Variants in PTPRD observed in about 807,000 individuals in gnomAD.
PTPRD encodes receptor-type tyrosine-protein phosphatase delta.
PTPRD carries 34 observed loss-of-function variants against 214.5 expected under a neutral mutation model. The ratio of observed to expected loss-of-function variants is 0.16; its 90% CI spans 0.12 to 0.21. The LOEUF is 0.21. Ranked by LOEUF, PTPRD falls within the 10% of genes least tolerant of loss-of-function variation. The pLI is 1.00. For synonymous variants in PTPRD, 1,128 were observed against 845.7 expected, an observed-to-expected ratio of 1.33 and a Z score of -5.79; for missense variants, 2,545 against 2,398.7, an observed-to-expected ratio of 1.06 and a Z score of -1.27.
chr9:10,548,535 A>T lies in PTPRD; in HGVS notation c.-600+63863T>A, dbSNP rs543805458. ...CTGTGAAAGCCTGGAAAAGTGAAAC[A>T]TCTGAAAGACCTAAAAATACAGCTT... is the stretch of plus-strand genomic sequence containing the variant. On this transcript the variant is annotated intron_variant, in intron 2 of 45. Coordinates refer to ENST00000381196, the MANE Select transcript of PTPRD (RefSeq NM_002839.4). Among the ~76,000 whole-genome samples the T allele has an allele frequency of 2.0e-5, 3 of 152,324 alleles. No individual in the cohort carries two copies. In the East Asian group the frequency reaches 5.8e-4, roughly 29 times the overall value.
intron 11 of PTPRD, among the ~76,000 whole-genome samples, chr9:9,011,216 CT>C (rs1237328234): frequency 1.3e-5 from 2 of 152,030 alleles, no homozygotes; most frequent in African/African-American, 4.8e-5. Context: ...GTCATAGCTT[CT>C]CCTCATTTAC....
chr9:8,977,667 T>A (rs1272755757), intron 11 of PTPRD, among the ~76,000 whole-genome samples: 2 of 72,626 alleles, frequency 2.8e-5, no homozygotes, highest in African/African-American at 1.2e-4. Context: ...CAAGGAGAAT[T>A]TTTTTTTTTT....
chr9:10,200,713 G>A (rs1410682829), intron 3 of PTPRD, among the ~76,000 whole-genome samples: 1 of 152,048 alleles, frequency 6.6e-6, no homozygotes, highest in Non-Finnish European at 1.5e-5. Context: ...TCATGCAGAG[G>A]AAGGGGATGA....
chr9:8,317,671 AT>A lies in PTPRD; in HGVS notation c.*202del. 2.3e-6 allele frequency: 1 copy of A among 433,258 alleles called. No homozygotes were observed. The allele number at this position is 433,258 out of a possible 1,614,324, so 26.8% of individuals were successfully genotyped here. A position where few individuals can be genotyped will look rare whatever the true frequency, so the allele number is the denominator to read the frequency against. On this transcript the variant is annotated 3_prime_UTR_variant, in exon 46 of 46. Coordinates refer to ENST00000381196, the MANE Select transcript of PTPRD (RefSeq NM_002839.4). ...CTCATCAGTCAGGATTCTCTTCATTATTTTTCAGGTTAGATTATTAAACTGT... is the reference window on the plus strand; with the variant it reads ...CTCATCAGTCAGGATTCTCTTCATTATTTTCAGGTTAGATTATTAAACTGT...
chr9:9,157,932 C>T (rs2099882698), intron 10 of PTPRD, among the ~76,000 whole-genome samples: 1 of 152,100 alleles, frequency 6.6e-6, no homozygotes, highest in African/African-American at 2.4e-5. Context: ...CATGTGTTCT[C>T]ATCAGTCAGC....
At chr9:8,488,099 T>TA (rs955801915) in intron 27 of PTPRD, among the ~76,000 whole-genome samples, 10 of 151,936 alleles carry the variant, frequency 6.6e-5, no homozygotes, top group African/African-American at 1.5e-4. Context: ...AAACAGGTGA[T>TA]AAAAAATCAT....
At chr9:8,622,128 G>C (rs2095844730) in intron 14 of PTPRD, among the ~76,000 whole-genome samples, 1 of 151,758 alleles carries the variant, frequency 6.6e-6, no homozygotes, top group Non-Finnish European at 1.5e-5. Flanking sequence ...AATGATAAGT[G>C]CAGCAATAAA....
chr9:8,441,860 C>T (rs1257992964), intron 34 of PTPRD, among the ~76,000 whole-genome samples: 6 of 152,242 alleles, frequency 3.9e-5, no homozygotes, highest in South Asian at 2.1e-4. Context: ...TCCCATACCC[C>T]GTACACTCTC....
chr9:9,428,779 T>C lies in PTPRD; in HGVS notation c.-236-31297A>G, dbSNP rs556764142. On this transcript the variant is annotated intron_variant, in intron 8 of 45. Coordinates refer to ENST00000381196, the MANE Select transcript of PTPRD (RefSeq NM_002839.4). ...CAAAACCGCTCAACTACATGGAAAC[T>C]GAACAACCTGCTCCTGAATGACTAC... 5.9e-5 allele frequency among the ~76,000 whole-genome samples: 9 copies of C among 152,266 alleles called. No homozygotes were observed. The East Asian group carries it at 1.7e-3, about 29-fold the overall frequency.
chr9:9,184,783 A>G (rs541650331), intron 9 of PTPRD, among the ~76,000 whole-genome samples: 42 of 152,104 alleles, frequency 2.8e-4, no homozygotes, highest in African/African-American at 1.0e-3. Context: ...TATACTTACC[A>G]TCCCTCTCTC....
chr9:8,870,111 T>A (rs1255921259), intron 11 of PTPRD, among the ~76,000 whole-genome samples: 9 of 146,896 alleles, frequency 6.1e-5, no homozygotes, highest in Non-Finnish European at 1.3e-4. Context: ...TTGGTATATA[T>A]CTCTTTCCAT....
chr9:10,093,603 A>T (rs1182240901), intron 3 of PTPRD, among the ~76,000 whole-genome samples: 4 of 151,554 alleles, frequency 2.6e-5, no homozygotes, highest in Non-Finnish European at 5.9e-5. Flanking sequence ...TATATATCCA[A>T]AGGAAAATAC....
At chr9:8,451,255 C>G (rs921602513) in intron 33 of PTPRD, among the ~76,000 whole-genome samples, 1 of 152,146 alleles carries the variant, frequency 6.6e-6, no homozygotes, top group South Asian at 2.1e-4. Flanking sequence ...AGACATGTTG[C>G]TTTCTCGGTA....
intron 19 of PTPRD, 33 bp downstream of exon 19, chr9:8,523,480 G>A: frequency 6.2e-7 from 1 of 1,609,824 alleles, no homozygotes; most frequent in Non-Finnish European, 8.5e-7. Context: ...TAATAGTTTT[G>A]TAAGGTGGGT....
rs539525410 is a variant in PTPRD, at chr9:9,639,275, G to A, written c.-286-64494C>T. Among the ~76,000 whole-genome samples, 48 of 152,244 alleles carry A rather than the reference G, an allele frequency of 3.2e-4. 1 individual carries two copies. The South Asian group carries it at 9.9e-3, about 32-fold the overall frequency. On this transcript the variant is annotated intron_variant, in intron 7 of 45. Transcript: ENST00000381196. ...GATTGTTTCTACTCATCATTTTAGT[G>A]CTAGCATCTAGTTTAGTGCCTACAT...
At chr9:9,601,799 A>C (rs2093789866) in intron 7 of PTPRD, among the ~76,000 whole-genome samples, 1 of 152,064 alleles carries the variant, frequency 6.6e-6, no homozygotes, top group African/African-American at 2.4e-5. Flanking sequence ...ATAAACACTA[A>C]ATATAATACA....
intron 3 of PTPRD, among the ~76,000 whole-genome samples, chr9:10,226,125 G>C (rs907121030): frequency 6.6e-6 from 1 of 151,998 alleles, no homozygotes; most frequent in Non-Finnish European, 1.5e-5. Flanking sequence ...CCAGTGGTCA[G>C]CCGCCCCAAT....
intron 3 of PTPRD, among the ~76,000 whole-genome samples, chr9:10,137,701 T>TAAAAAA (rs76032048): frequency 2.8e-5 from 2 of 72,002 alleles, no homozygotes; most frequent in African/African-American, 6.3e-5. Flanking sequence ...TAGAGTATAA[T>TAAAAAA]AAAAAAAAAA....
chr9:9,365,097 A>G (rs1389739891), intron 9 of PTPRD, among the ~76,000 whole-genome samples: 1 of 151,478 alleles, frequency 6.6e-6, no homozygotes, highest in Non-Finnish European at 1.5e-5. Context: ...GCTGGAGAAC[A>G]CTGAGTAATA....
Sources: allele counts gnomAD v4.1 joint callset (sites outside exome capture counted in the v4.1 genomes callset), GRCh38; gene constraint gnomAD v4.1.1; transcripts MANE v1.5; gene names NCBI Gene and HGNC (gene_info 2026-07-23, HGNC 2026-07-21).